The following BBS9 variants were observed in gnomAD, a reference collection of about 807,000 sequenced individuals.
BBS9 encodes the protein protein PTHB1.
BBS9 carries 89 observed loss-of-function variants against 117.7 expected under a neutral mutation model. The ratio of observed to expected loss-of-function variants is 0.76; its 90% CI spans 0.64 to 0.90. The LOEUF (loss-of-function observed/expected upper bound fraction) is 0.90. BBS9 is among the 40% of genes least tolerant of loss of function. The probability of loss-of-function intolerance (pLI) is 0.00; values close to 1 mark genes in which losing one functional copy is unlikely to be tolerated. For missense variants in BBS9, 982 were observed against 1,042.2 expected (o/e 0.94, Z 0.80); for synonymous variants, 379 against 370.9 (o/e 1.02, Z -0.25).
intron 12 of BBS9, among the ~76,000 whole-genome samples, chr7:33,347,606 A>C (rs1383802788): frequency 6.6e-6 from 1 of 151,978 alleles, no homozygotes; most frequent in Non-Finnish European, 1.5e-5. Context: ...TGCAAGTCAA[A>C]ATTTTTATGT....
At chr7:33,235,735 C>G (rs375950242) in intron 5 of BBS9, among the ~76,000 whole-genome samples, 1 of 152,064 alleles carries the variant, frequency 6.6e-6, no homozygotes, top group African/African-American at 2.4e-5. Context: ...ACTAAAGATT[C>G]AAAGTCACTG....
chr7:33,541,416 C>A (rs1371782591), intron 21 of BBS9, among the ~76,000 whole-genome samples: 2 of 152,176 alleles, frequency 1.3e-5, no homozygotes, highest in Non-Finnish European at 2.9e-5. Flanking sequence ...TGATAACACT[C>A]TTATCGCTTA....
chr7:33,221,864 A>G (rs1360704974), intron 5 of BBS9, among the ~76,000 whole-genome samples: 4 of 152,114 alleles, frequency 2.6e-5, no homozygotes, highest in Admixed American at 1.3e-4. Flanking sequence ...ATACTTAAAA[A>G]ATCATATATG....
chr7:33,314,268 T>A (rs987189069), intron 9 of BBS9: 1 of 431,248 alleles, frequency 2.3e-6, no homozygotes, highest in African/African-American at 2.1e-5. Flanking sequence ...AGATTTTCTT[T>A]ATGGAAGCAT....
intron 5 of BBS9, among the ~76,000 whole-genome samples, chr7:33,197,504 C>A (rs1279063754): frequency 6.6e-6 from 1 of 151,912 alleles, no homozygotes; most frequent in Non-Finnish European, 1.5e-5. Flanking sequence ...TGGAAACTTG[C>A]TTTGAGGTTT....
intron 5 of BBS9, among the ~76,000 whole-genome samples, chr7:33,203,435 C>T (rs923674670): frequency 6.6e-6 from 1 of 152,036 alleles, no homozygotes; most frequent in African/African-American, 2.4e-5. Context: ...CTTTGAGAAC[C>T]CTGCTCTCTA....
At chr7:33,171,175 G>A (rs1281216963) in intron 4 of BBS9, among the ~76,000 whole-genome samples, 1 of 152,126 alleles carries the variant, frequency 6.6e-6, no homozygotes, top group Non-Finnish European at 1.5e-5. Flanking sequence ...AACAAAGCTG[G>A]AGGCATCACA....
At position 33,421,622 on chromosome 7, in the gene BBS9, G is replaced by A. The variant is rs1279094296; in HGVS notation, c.2115+33478G>A. ...GCTAGTTATTGCAAAACATACTCTT[G>A]TCTTTTCTTAGTCAGTCTGGAATGT... On this transcript the variant is annotated intron_variant, in intron 19 of 22. Transcript: ENST00000242067. 3.3e-5 allele frequency among the ~76,000 whole-genome samples: 5 copies of A among 152,218 alleles called. No individual in the cohort carries two copies. In the South Asian group the frequency reaches 6.2e-4, roughly 19 times the overall value.
At chr7:33,166,857 C>T (rs572683349) in intron 4 of BBS9, among the ~76,000 whole-genome samples, 2 of 152,316 alleles carry the variant, frequency 1.3e-5, no homozygotes, top group South Asian at 4.1e-4. Flanking sequence ...TGATGCCCCA[C>T]CCTGCTTTAC....
At chr7:33,498,131 G>T (rs1276967977) in intron 19 of BBS9, among the ~76,000 whole-genome samples, 1 of 152,110 alleles carries the variant, frequency 6.6e-6, no homozygotes, top group Non-Finnish European at 1.5e-5. Context: ...CTAATAAGTA[G>T]CATCACCAGT....
At chr7:33,255,515 C>T (rs1446688765) in intron 5 of BBS9, among the ~76,000 whole-genome samples, 1 of 152,040 alleles carries the variant, frequency 6.6e-6, no homozygotes, top group African/African-American at 2.4e-5. Flanking sequence ...GCTGAAGCTA[C>T]AGGAATATCA....
intron 19 of BBS9, among the ~76,000 whole-genome samples, chr7:33,405,057 G>A (rs1829668808): frequency 6.6e-6 from 1 of 152,168 alleles, no homozygotes; most frequent in Non-Finnish European, 1.5e-5. Context: ...AGCATGAAGT[G>A]TTGTTGAATT....
At chr7:33,441,891 T>C (rs973824143) in intron 19 of BBS9, among the ~76,000 whole-genome samples, 4 of 141,022 alleles carry the variant, frequency 2.8e-5, no homozygotes, top group Non-Finnish European at 6.2e-5. Context: ...TGGCATATAC[T>C]TTTTTTTTTT....
At chr7:33,147,496 G>C (rs935619210) in intron 2 of BBS9, among the ~76,000 whole-genome samples, 1 of 152,058 alleles carries the variant, frequency 6.6e-6, no homozygotes, top group Admixed American at 6.6e-5. Flanking sequence ...AGGAAAATTT[G>C]GTCCCTGATT....
rs143963391 is a variant in BBS9 at position 33,604,936 on chromosome 7, A to T, written c.2593A>T (p.Thr865Ser). The T allele has an allele frequency of 2.5e-6, 4 of 1,613,636 alleles. No individual in the cohort carries two copies. Among genetic ancestry groups the T allele is most frequent in the African/African-American group, 2.7e-5 (2 of 74,930 alleles). ...AGAACAAGACTCTACAGAACTGTTT[A>T]CCAACCACAGACATCTCACTGCAGA... is the stretch of plus-strand genomic sequence containing the variant. Reference protein sequence around the residue: ...SVEQDSTELFTNHRHLTAETP... With the variant: ...SVEQDSTELFSNHRHLTAETP... Residue 865 changes from threonine (T) to serine (S), a missense_variant, in exon 22 of 23, where the codon ACC becomes TCC. Coordinates refer to ENST00000242067, the MANE Select transcript of BBS9 (RefSeq NM_198428.3).
intron 6 of BBS9, among the ~76,000 whole-genome samples, chr7:33,260,400 A>T (rs1797788025): frequency 6.6e-6 from 1 of 152,164 alleles, no homozygotes. Flanking sequence ...TTTGAAGTTA[A>T]CTGGTTCAAC....
intron 19 of BBS9, among the ~76,000 whole-genome samples, chr7:33,398,371 C>G (rs550280334): frequency 6.6e-6 from 1 of 152,054 alleles, no homozygotes; most frequent in African/African-American, 2.4e-5. Context: ...TAGTTTATTC[C>G]TGTTCACTGA....
chr7:33,370,372 A>T (rs1822627355), intron 17 of BBS9, among the ~76,000 whole-genome samples: 1 of 151,946 alleles, frequency 6.6e-6, no homozygotes, highest in African/African-American at 2.4e-5. Context: ...CTGGAAGCTG[A>T]GGTGGGAGGA....
At chr7:33,474,960 G>C (rs1841598596) in intron 19 of BBS9, among the ~76,000 whole-genome samples, 1 of 152,102 alleles carries the variant, frequency 6.6e-6, no homozygotes, top group African/African-American at 2.4e-5. Flanking sequence ...AAACAAAAAG[G>C]AATGCTTTCC....
Sources: gnomAD v4.1 joint callset for allele counts (sites outside exome capture counted in the v4.1 genomes callset) on GRCh38, gnomAD v4.1.1 for gene constraint, MANE v1.5 for transcripts, NCBI Gene and HGNC (gene_info 2026-07-23, HGNC 2026-07-21) for gene names.